Variants in HMGA2 observed in about 807,000 individuals in gnomAD.
HMGA2 encodes high mobility group AT-hook 2, also known as high mobility group protein HMGI-C.
HMGA2 carries 8 observed loss-of-function variants against 19.1 expected under a neutral mutation model. The ratio of observed to expected loss-of-function variants is 0.42; its 90% CI spans 0.25 to 0.76. HMGA2 has a LOEUF of 0.76. HMGA2 is among the 30% of genes least tolerant of loss of function. The pLI, the probability that HMGA2 is intolerant of heterozygous loss-of-function variation, is 0.28. For missense variants in HMGA2, 109 were observed against 136.3 expected (o/e 0.80, Z 1.00); for synonymous variants, 60 against 48.8 (o/e 1.23, Z -0.96).
At chr12:65,961,893 A>G (rs1373895895) in intron 4 of HMGA2, among the ~76,000 whole-genome samples, 1 of 152,164 alleles carries the variant, frequency 6.6e-6, no homozygotes, top group Non-Finnish European at 1.5e-5. Flanking sequence ...GAAGTGTTTC[A>G]AACACTAATG....
At chr12:65,907,262 G>A (rs1016065212) in intron 3 of HMGA2, among the ~76,000 whole-genome samples, 2 of 151,776 alleles carry the variant, frequency 1.3e-5, no homozygotes, top group Admixed American at 1.3e-4. Context: ...ATACAAAAAT[G>A]AGCCAGGTGT....
chr12:65,882,264 A>G (rs1481058213), intron 3 of HMGA2: 1 of 261,476 alleles, frequency 3.8e-6, no homozygotes, highest in Non-Finnish European at 7.6e-6. Flanking sequence ...TGAAGCAGCC[A>G]GGAACTGAGA....
intron 3 of HMGA2, among the ~76,000 whole-genome samples, chr12:65,892,261 C>T (rs994527256): frequency 9.2e-5 from 14 of 152,156 alleles, no homozygotes; most frequent in Non-Finnish European, 7.3e-5. Context: ...TGCCAGCACA[C>T]AGAGCAGAGA....
chr12:65,918,748 A>C (rs2121235092), intron 3 of HMGA2, among the ~76,000 whole-genome samples: 1 of 152,334 alleles, frequency 6.6e-6, no homozygotes, highest in South Asian at 2.1e-4. Flanking sequence ...TCTGTATGTA[A>C]CTTTTTAATG....
chr12:65,901,395 T>C (rs774357533), intron 3 of HMGA2, among the ~76,000 whole-genome samples: 1 of 152,246 alleles, frequency 6.6e-6, no homozygotes, highest in East Asian at 1.9e-4. Context: ...GTTTTACTTA[T>C]TGATATAAAG....
chr12:65,848,713 G>A (rs1019584182), intron 3 of HMGA2, among the ~76,000 whole-genome samples: 8 of 152,006 alleles, frequency 5.3e-5, no homozygotes, highest in African/African-American at 9.7e-5. Context: ...AAAATTAGCC[G>A]GGCGCGGTGG....
At position 65,879,483 on chromosome 12, in the gene HMGA2, T is replaced by G. The variant is rs112875031; in HGVS notation, c.249+40914T>G. Among the ~76,000 whole-genome samples, 359 of 152,248 alleles carry G rather than the reference T, an allele frequency of 2.4e-3. 1 individual carries two copies. Among genetic ancestry groups the G allele is most frequent in the African/African-American group, 8.4e-3 (347 of 41,534 alleles). On this transcript the variant is annotated intron_variant, in intron 3 of 4. Coordinates refer to ENST00000403681, the MANE Select transcript of HMGA2 (RefSeq NM_003483.6). ...AATTTGAAACAAACTATATATAAAG[T>G]TTTTTTCTTCTAAACTTCATATTTA...
intron 3 of HMGA2, among the ~76,000 whole-genome samples, chr12:65,875,105 A>G (rs1176773026): frequency 6.9e-6 from 1 of 144,428 alleles, no homozygotes; most frequent in Non-Finnish European, 1.5e-5. Context: ...AGAAATGCTT[A>G]TATTTATTAG....
Position 65,951,776 on chromosome 12 carries a change from A to C in HMGA2, c.282+361A>C, listed in dbSNP as rs778000707. On this transcript the variant is annotated intron_variant, in intron 4 of 4. Coordinates refer to ENST00000403681, the MANE Select transcript of HMGA2 (RefSeq NM_003483.6). ...AACTGACTGTCTATATTCTGTTGAC[A>C]CCAGACTTATATTTAATGATTCATG... is the stretch of plus-strand genomic sequence containing the variant. The C allele has an allele frequency of 6.3e-5, 12 of 191,598 alleles. 1 individual carries two copies. The Admixed American group carries it at 6.9e-4, about 11-fold the overall frequency. The allele number at this position is 191,598 out of a possible 1,614,324, so 11.9% of individuals were successfully genotyped here.
At chr12:65,859,920 A>T in intron 3 of HMGA2, 1 of 206,182 alleles carries the variant, frequency 4.9e-6, no homozygotes, top group Non-Finnish European at 1.0e-5. Context: ...CCCATCTCTA[A>T]AAAAAAAAAA....
intron 3 of HMGA2, chr12:65,842,575 T>C (rs1288857857): frequency 1.3e-6 from 2 of 1,508,310 alleles, no homozygotes; most frequent in East Asian, 4.9e-5. Context: ...ACATTTTAAT[T>C]CTCTTTGCTA....
At chr12:65,918,989 C>T (rs543702326) in intron 3 of HMGA2, among the ~76,000 whole-genome samples, 86 of 152,234 alleles carry the variant, frequency 5.6e-4, no homozygotes, top group African/African-American at 1.9e-3. Flanking sequence ...GGAAGGGGTA[C>T]GGTTCTGATA....
At chr12:65,926,161 G>A (rs1319012362) in intron 3 of HMGA2, among the ~76,000 whole-genome samples, 1 of 152,182 alleles carries the variant, frequency 6.6e-6, no homozygotes, top group Non-Finnish European at 1.5e-5. Context: ...ATTTATTAGG[G>A]AAGCTCGGAT....
intron 3 of HMGA2, among the ~76,000 whole-genome samples, chr12:65,896,245 C>T (rs978884779): frequency 2.0e-5 from 3 of 152,276 alleles, no homozygotes; most frequent in Middle Eastern, 3.4e-3. Context: ...TCCAGAATAC[C>T]GCCCAACTGC....
chr12:65,838,998 C>CTT, intron 3 of HMGA2, among the ~76,000 whole-genome samples: 29 of 107,220 alleles, frequency 2.7e-4, no homozygotes, highest in East Asian at 1.4e-3. Flanking sequence ...TTTTCTTTTT[C>CTT]TTTTTTTTTT....
At chr12:65,898,633 A>G (rs886683409) in intron 3 of HMGA2, among the ~76,000 whole-genome samples, 25 of 152,324 alleles carry the variant, frequency 1.6e-4, no homozygotes, top group Admixed American at 3.9e-4. Context: ...CTTTGTATGT[A>G]CTATAATCCT....
chr12:65,838,998 C>CTTTTTT, intron 3 of HMGA2, among the ~76,000 whole-genome samples: 38 of 107,212 alleles, frequency 3.5e-4, no homozygotes, highest in African/African-American at 8.0e-4. Flanking sequence ...TTTTCTTTTT[C>CTTTTTT]TTTTTTTTTT....
chr12:65,905,616 C>T (rs149081734), intron 3 of HMGA2, among the ~76,000 whole-genome samples: 4 of 152,280 alleles, frequency 2.6e-5, no homozygotes, highest in East Asian at 1.9e-4. Flanking sequence ...CTGAGAATAG[C>T]GACACAGTGT....
chr12:65,890,913 G>A (rs1873877241), intron 3 of HMGA2, among the ~76,000 whole-genome samples: 1 of 151,862 alleles, frequency 6.6e-6, no homozygotes, highest in Non-Finnish European at 1.5e-5. Context: ...TGTAGAGACG[G>A]GGTTTCACTG....
Sources: gnomAD v4.1 joint callset for allele counts (sites outside exome capture counted in the v4.1 genomes callset) on GRCh38, gnomAD v4.1.1 for gene constraint, MANE v1.5 for transcripts, NCBI Gene and HGNC (gene_info 2026-07-23, HGNC 2026-07-21) for gene names.